SLC36A4: variants seen among roughly 807,000 people sequenced by gnomAD.
The protein encoded by SLC36A4 is neutral amino acid uniporter 4.
A neutral mutation model predicts 50.5 loss-of-function variants in SLC36A4; 49 were observed. That is an observed-to-expected ratio of 0.97 (90% CI 0.77 to 1.23). SLC36A4 has a LOEUF of 1.23. Among genes scored for constraint, SLC36A4 ranks in the 50% most tolerant of loss-of-function variants. The pLI is 0.00. For synonymous variants in SLC36A4, 207 were observed against 206.5 expected, an observed-to-expected ratio of 1.00 and a Z score of -0.02; for missense variants, 611 against 608.4, an observed-to-expected ratio of 1.00 and a Z score of -0.05.
intron 10 of SLC36A4, chr11:93,152,085 A>T (rs1860114535): frequency 6.6e-6 from 1 of 152,092 alleles, no homozygotes; most frequent in Non-Finnish European, 1.5e-5. Context: ...CTTGGACACA[A>T]CCAACATAAT....
rs779161791 is a variant in SLC36A4 at position 93,162,845 on chromosome 11, A to G, written c.898T>C (p.Ser300Pro). Residue 300 changes from serine to proline, a missense_variant, in exon 9 of 11, where the codon TCA (serine) becomes CCA (proline). Physicochemically the swap from Ser to Pro is moderately conservative, Grantham distance 74. Coordinates refer to ENST00000326402, the MANE Select transcript of SLC36A4 (RefSeq NM_152313.4). ...TTCAACGCTTGAGGGAAACGCTTTG[A>G]TTCTTTCATTTGGTTTTCCAGTGGA... ...VLPLENQMKE[S>P]KRFPQALNIG... 4.0e-5 allele frequency: 65 copies of G among 1,612,890 alleles called. No individual in the cohort carries two copies. The highest frequency in any genetic ancestry group is 5.3e-5 in the Non-Finnish European group (63 of 1,179,720).
At chr11:93,160,206 C>T in intron 9 of SLC36A4, 10 of 985,412 alleles carry the variant, frequency 1.0e-5, no homozygotes, top group Non-Finnish European at 1.2e-5. Flanking sequence ...CCCACAACTG[C>T]AGAGTCCACA....
chr11:93,151,283 T>C (rs538178055), intron 10 of SLC36A4, among the ~76,000 whole-genome samples: 8 of 152,128 alleles, frequency 5.3e-5, no homozygotes, highest in African/African-American at 1.9e-4. Flanking sequence ...CTATTATGAA[T>C]AGATCTATTA....
At chr11:93,179,835 C>T (rs997742828) in intron 6 of SLC36A4, among the ~76,000 whole-genome samples, 1 of 152,092 alleles carries the variant, frequency 6.6e-6, no homozygotes, top group Non-Finnish European at 1.5e-5. Flanking sequence ...CATATTGTTG[C>T]CTATGGCTGA....
intron 1 of SLC36A4, among the ~76,000 whole-genome samples, chr11:93,186,335 G>T (rs565985484): frequency 6.6e-6 from 1 of 151,958 alleles, no homozygotes; most frequent in South Asian, 2.1e-4. Context: ...TCAAATTCAG[G>T]TTAACATTGA....
chr11:93,197,742 G>A (rs1862490962), intron 1 of SLC36A4, 36 bp downstream of exon 1: 1 of 1,577,786 alleles, frequency 6.3e-7, no homozygotes, highest in Non-Finnish European at 8.6e-7. Flanking sequence ...CCCCGCCCAC[G>A]TCAGCCCCGG....
chr11:93,165,627 G>C (rs971856266), intron 8 of SLC36A4, among the ~76,000 whole-genome samples: 6 of 151,846 alleles, frequency 4.0e-5, no homozygotes, highest in Admixed American at 1.3e-4. Context: ...TCTAAATTTT[G>C]TATAGGTTTG....
intron 1 of SLC36A4, among the ~76,000 whole-genome samples, chr11:93,194,089 C>T (rs1862323790): frequency 6.6e-6 from 1 of 151,950 alleles, no homozygotes; most frequent in Non-Finnish European, 1.5e-5. Context: ...AATATGATTA[C>T]AATCATGTTT....
Position 93,180,890 on chromosome 11 carries a change from A to C in SLC36A4, c.456-9T>G. 7 of 1,587,726 alleles carry C rather than the reference A, an allele frequency of 4.4e-6. No homozygotes were observed. The highest frequency in any genetic ancestry group is 1.3e-5 in the African/African-American group (1 of 74,450). ...AAAAGTCAACCACACTCCTGAAAAA[A>C]GATATCCACAAATGAGTATCCAGGA... is the stretch of plus-strand genomic sequence containing the variant. On this transcript the variant is annotated splice_polypyrimidine_tract_variant and intron_variant, in intron 5 of 10. Transcript: ENST00000326402.
At chr11:93,166,099 T>G (rs1860851150) in intron 7 of SLC36A4, 83 bp from the exon 8 acceptor site, 5 of 1,299,242 alleles carry the variant, frequency 3.8e-6, no homozygotes, top group Non-Finnish European at 5.2e-6. Context: ...AATCATATAA[T>G]TTTGAGCTTC....
chr11:93,164,012 C>A (rs927026499), intron 8 of SLC36A4, among the ~76,000 whole-genome samples: 1 of 152,078 alleles, frequency 6.6e-6, no homozygotes, highest in Admixed American at 6.6e-5. Flanking sequence ...CCTCATCTTG[C>A]ATTTCCTTGC....
At chr11:93,190,340 A>G (rs1862163975) in intron 1 of SLC36A4, among the ~76,000 whole-genome samples, 2 of 152,182 alleles carry the variant, frequency 1.3e-5, no homozygotes, top group East Asian at 3.8e-4. Context: ...ATAATTTGTT[A>G]TGTATTTCAA....
At chr11:93,153,903 GA>G (rs1489155361) in intron 10 of SLC36A4, 5 of 288,580 alleles carry the variant, frequency 1.7e-5, no homozygotes, top group African/African-American at 1.1e-4. Context: ...AGTGTGATAG[GA>G]TCTGGTTTGT....
chr11:93,171,894 T>C (rs1211290304), intron 6 of SLC36A4: 1 of 152,136 alleles, frequency 6.6e-6, no homozygotes, highest in Non-Finnish European at 1.5e-5. Context: ...TTTATTTTGA[T>C]AAACAAAAGA....
At chr11:93,162,663 A>T (rs754513671) in intron 9 of SLC36A4, 43 bp downstream of exon 9, 17 of 1,444,294 alleles carry the variant, frequency 1.2e-5, no homozygotes, top group Non-Finnish European at 1.5e-5. Context: ...GTGGTACATT[A>T]TAAAATATAT....
At chr11:93,178,906 G>A (rs958511803) in intron 6 of SLC36A4, among the ~76,000 whole-genome samples, 9 of 152,202 alleles carry the variant, frequency 5.9e-5, no homozygotes, top group Non-Finnish European at 1.2e-4. Context: ...AAGTCAAACT[G>A]TCCCTGTTTG....
At chr11:93,161,355 T>A (rs1372902754) in intron 9 of SLC36A4, among the ~76,000 whole-genome samples, 1 of 152,232 alleles carries the variant, frequency 6.6e-6, no homozygotes, top group African/African-American at 2.4e-5. Flanking sequence ...ATATCTTATT[T>A]GTAATAATAA....
At chr11:93,149,936 C>A in intron 10 of SLC36A4, among the ~76,000 whole-genome samples, 1 of 139,748 alleles carries the variant, frequency 7.2e-6, no homozygotes, top group African/African-American at 2.5e-5. Flanking sequence ...TTCTTTTACA[C>A]CCTTTCTGTC....
chr11:93,172,795 A>C (rs1861237428), intron 6 of SLC36A4, among the ~76,000 whole-genome samples: 2 of 131,706 alleles, frequency 1.5e-5, no homozygotes, highest in African/African-American at 5.7e-5. Flanking sequence ...TTATGGCTGC[A>C]TAGTATTCCA....
Sources: allele counts gnomAD v4.1 joint callset (sites outside exome capture counted in the v4.1 genomes callset), GRCh38; gene constraint gnomAD v4.1.1; transcripts MANE v1.5; gene names NCBI Gene and HGNC (gene_info 2026-07-23, HGNC 2026-07-21).